Variants in RAB27A observed in about 807,000 individuals in gnomAD.
The protein encoded by RAB27A is RAB27A, member RAS oncogene family, also known as ras-related protein Rab-27A.
Under a neutral mutation model 20.8 loss-of-function variants are expected in RAB27A, and 17 were observed. That is an observed-to-expected ratio of 0.82 (90% CI 0.56 to 1.23). RAB27A has a LOEUF of 1.23. Among genes scored for constraint, RAB27A ranks in the 50% most tolerant of loss-of-function variants. The probability of loss-of-function intolerance (pLI) is 0.00; values close to 1 mark genes in which losing one functional copy is unlikely to be tolerated. For missense variants in RAB27A, 277 were observed against 266.7 expected, an observed-to-expected ratio of 1.04 and a Z score of -0.27; for synonymous variants, 85 against 92.8, an observed-to-expected ratio of 0.92 and a Z score of 0.48.
intron 2 of RAB27A, among the ~76,000 whole-genome samples, chr15:55,300,259 T>C (rs993433655): frequency 6.6e-6 from 1 of 152,142 alleles, no homozygotes; most frequent in Non-Finnish European, 1.5e-5. Flanking sequence ...TATGCTTGCG[T>C]GTGTGTATAT....
intron 2 of RAB27A, among the ~76,000 whole-genome samples, chr15:55,306,419 T>C (rs1350167750): frequency 1.3e-5 from 2 of 152,096 alleles, no homozygotes; most frequent in Admixed American, 6.6e-5. Context: ...GAGGGTTTCA[T>C]GTAGTTTTGA....
chr15:55,210,097 T>C (rs977170065), intron 6 of RAB27A, among the ~76,000 whole-genome samples: 2 of 146,050 alleles, frequency 1.4e-5, no homozygotes, highest in South Asian at 4.2e-4. Context: ...CATATATGTG[T>C]GTATATATAC....
chr15:55,268,774 T>A (rs1897601047), intron 2 of RAB27A, among the ~76,000 whole-genome samples: 1 of 152,208 alleles, frequency 6.6e-6, no homozygotes, highest in Admixed American at 6.5e-5. Context: ...AATGTCATAT[T>A]AAGAAGCTTT....
intron 2 of RAB27A, among the ~76,000 whole-genome samples, chr15:55,308,605 A>G (rs151218270): frequency 6.6e-6 from 1 of 152,208 alleles, no homozygotes; most frequent in African/African-American, 2.4e-5. Context: ...GTCCCCCTCG[A>G]GCGGTGTAGG....
chr15:55,227,064 TA>T (rs1378183407), intron 5 of RAB27A, among the ~76,000 whole-genome samples: 1 of 152,200 alleles, frequency 6.6e-6, no homozygotes, highest in African/African-American at 2.4e-5. Flanking sequence ...TTCTATTAAA[TA>T]TATAAAATCT....
chr15:55,269,306 G>A (rs1285048682), intron 2 of RAB27A, among the ~76,000 whole-genome samples: 2 of 152,062 alleles, frequency 1.3e-5, no homozygotes, highest in Non-Finnish European at 2.9e-5. Context: ...ACTTCATTTC[G>A]TATTTCTAAA....
intron 1 of RAB27A, among the ~76,000 whole-genome samples, chr15:55,288,554 C>T (rs1898219878): frequency 6.6e-6 from 1 of 151,202 alleles, no homozygotes; most frequent in African/African-American, 2.4e-5. Context: ...ATTAAATATA[C>T]TTCAACGAAA....
chr15:55,260,987 T>C (rs1595727121), intron 2 of RAB27A, among the ~76,000 whole-genome samples: 1 of 149,996 alleles, frequency 6.7e-6, no homozygotes, highest in Non-Finnish European at 1.5e-5. Context: ...ACCACTCTGG[T>C]ATGGGATGTT....
intron 1 of RAB27A, among the ~76,000 whole-genome samples, chr15:55,273,962 C>T (rs114725198): frequency 0.012 from 1,857 of 152,202 alleles, 29 homozygotes; most frequent in African/African-American, 0.042. Flanking sequence ...CTCAAGCGCA[C>T]GTGGAATATT....
At chr15:55,257,226 G>C (rs538787052) in intron 2 of RAB27A, among the ~76,000 whole-genome samples, 2 of 152,104 alleles carry the variant, frequency 1.3e-5, no homozygotes, top group African/African-American at 4.8e-5. Flanking sequence ...AGATTGGATC[G>C]GGGCAGGTTC....
intron 2 of RAB27A, among the ~76,000 whole-genome samples, chr15:55,254,989 G>A (rs1282282870): frequency 6.6e-6 from 1 of 152,172 alleles, no homozygotes; most frequent in African/African-American, 2.4e-5. Context: ...CGTTAAAGGA[G>A]GCAGTACCAG....
At chr15:55,310,857 G>C (rs1157354709) in intron 2 of RAB27A, among the ~76,000 whole-genome samples, 3 of 152,194 alleles carry the variant, frequency 2.0e-5, no homozygotes, top group East Asian at 1.9e-4. Flanking sequence ...AGGTGACAGA[G>C]AGGTATGCTT....
intron 4 of RAB27A, among the ~76,000 whole-genome samples, chr15:55,230,150 T>C (rs376371610): frequency 1.4e-4 from 21 of 152,032 alleles, no homozygotes; most frequent in African/African-American, 5.1e-4. Context: ...GAGCAAAGTA[T>C]CTAAGCAAAA....
At chr15:55,304,812 T>C (rs2054990439) in intron 2 of RAB27A, among the ~76,000 whole-genome samples, 1 of 151,982 alleles carries the variant, frequency 6.6e-6, no homozygotes, top group Admixed American at 6.6e-5. Context: ...TGAACATTCA[T>C]TTACCAGCTT....
At chr15:55,207,292 G>A (rs1894698667) in intron 6 of RAB27A, among the ~76,000 whole-genome samples, 1 of 152,148 alleles carries the variant, frequency 6.6e-6, no homozygotes, top group Non-Finnish European at 1.5e-5. Context: ...GCACTCCTGG[G>A]TATACATCTA....
At chr15:55,268,514 T>C (rs1897588587) in intron 2 of RAB27A, among the ~76,000 whole-genome samples, 1 of 152,196 alleles carries the variant, frequency 6.6e-6, no homozygotes, top group Admixed American at 6.5e-5. Context: ...TCTCTTGTGG[T>C]TAGGCTGTCC....
chr15:55,218,206 C>T (rs1895404312), intron 6 of RAB27A, among the ~76,000 whole-genome samples: 1 of 152,148 alleles, frequency 6.6e-6, no homozygotes, highest in South Asian at 2.1e-4. Flanking sequence ...GTGAGTTTCA[C>T]ACTACTTTTC....
chr15:55,267,631 T>C (rs1385167554), intron 2 of RAB27A, among the ~76,000 whole-genome samples: 1 of 152,176 alleles, frequency 6.6e-6, no homozygotes. Flanking sequence ...TCATCAGCTA[T>C]CACGTATGCT....
intron 6 of RAB27A, among the ~76,000 whole-genome samples, chr15:55,222,827 C>T (rs149949417): frequency 3.9e-4 from 59 of 152,294 alleles, no homozygotes; most frequent in African/African-American, 9.6e-4. Context: ...AACCCACTTG[C>T]TTCCTTCCTC....
Sources: gnomAD v4.1 joint callset for allele counts (sites outside exome capture counted in the v4.1 genomes callset) on GRCh38, gnomAD v4.1.1 for gene constraint, MANE v1.5 for transcripts, NCBI Gene and HGNC (gene_info 2026-07-23, HGNC 2026-07-21) for gene names.